The following GABPA variants were observed in gnomAD, a reference collection of about 807,000 sequenced individuals.
The protein encoded by GABPA is GA binding protein transcription factor subunit alpha.
Under a neutral mutation model 59.4 loss-of-function variants are expected in GABPA, and 4 were observed. That is an observed-to-expected ratio of 0.07 (90% CI 0.03 to 0.15). The LOEUF (loss-of-function observed/expected upper bound fraction) is 0.15, where lower values mean the gene tolerates loss of function less well. Ranked by LOEUF, GABPA falls within the 10% of genes least tolerant of loss-of-function variation. The pLI is 1.00. For missense variants in GABPA, 251 were observed against 543.8 expected (o/e 0.46, Z 5.36); for synonymous variants, 164 against 183.1 (o/e 0.90, Z 0.84).
rs71649642 is a variant in GABPA at position 25,735,206 on chromosome 21, C to G, written c.-399C>G. On this transcript the variant is annotated 5_prime_UTR_variant, in exon 1 of 10. Transcript: ENST00000400075. Reference sequence around the variant, plus strand: ...AGTGGCCTTTCCCCTAGTTCAAGCTCCCCTCCGAGTCAGCGTCCTGTTCGT... The same window carrying G: ...AGTGGCCTTTCCCCTAGTTCAAGCTGCCCTCCGAGTCAGCGTCCTGTTCGT... 4.2e-4 allele frequency: 251 copies of G among 593,458 alleles called. 1 individual carries two copies. Among genetic ancestry groups the G allele is most frequent in the African/African-American group, 4.2e-3 (227 of 53,910 alleles). The allele number at this position is 593,458 out of a possible 1,614,324, so 36.8% of individuals were successfully genotyped here.
At chr21:25,764,989 A>G (rs2035856363) in intron 9 of GABPA, among the ~76,000 whole-genome samples, 1 of 151,404 alleles carries the variant, frequency 6.6e-6, no homozygotes, top group African/African-American at 2.4e-5. Context: ...TTACTCTAAG[A>G]TTGTTTGTTT....
chr21:25,766,544 A>G (rs1297795738), intron 9 of GABPA, among the ~76,000 whole-genome samples: 1 of 151,946 alleles, frequency 6.6e-6, no homozygotes, highest in Admixed American at 6.6e-5. Context: ...ACTTGAATAG[A>G]CACCTCAGGC....
chr21:25,752,261 G>A (rs775352473), intron 5 of GABPA, 27 bp downstream of exon 5: 2 of 1,605,132 alleles, frequency 1.2e-6, no homozygotes, highest in Non-Finnish European at 1.7e-6. Flanking sequence ...TTCTATATTG[G>A]GTAGAATAAT....
intron 4 of GABPA, among the ~76,000 whole-genome samples, chr21:25,750,626 C>T (rs1427723248): frequency 1.3e-5 from 2 of 152,194 alleles, no homozygotes; most frequent in African/African-American, 2.4e-5. Context: ...AGAATAATTT[C>T]ATCTCTGAAC....
At chr21:25,747,896 AG>A (rs1282878913) in intron 3 of GABPA, among the ~76,000 whole-genome samples, 1 of 152,116 alleles carries the variant, frequency 6.6e-6, no homozygotes, top group Non-Finnish European at 1.5e-5. Context: ...TCTGTCTACA[AG>A]GTTACAAGGT....
intron 1 of GABPA, among the ~76,000 whole-genome samples, chr21:25,737,243 A>G (rs541811639): frequency 1.3e-5 from 2 of 152,344 alleles, no homozygotes; most frequent in South Asian, 4.1e-4. Flanking sequence ...TTAGACGGAG[A>G]AACTGCAAGT....
At chr21:25,748,911 A>G (rs753410195) in intron 3 of GABPA, 125 bp from the exon 4 acceptor site, 4 of 662,502 alleles carry the variant, frequency 6.0e-6, no homozygotes, top group Non-Finnish European at 1.1e-5. Flanking sequence ...ATGTGTTCTT[A>G]TAATTTAATT....
chr21:25,739,199 T>G (rs1438902973), intron 1 of GABPA, among the ~76,000 whole-genome samples: 1 of 152,328 alleles, frequency 6.6e-6, no homozygotes, highest in Non-Finnish European at 1.5e-5. Context: ...GCAGTCTAGA[T>G]TTGGGTGCCA....
At chr21:25,761,237 C>T (rs1213889292) in intron 6 of GABPA, among the ~76,000 whole-genome samples, 1 of 152,086 alleles carries the variant, frequency 6.6e-6, no homozygotes, top group Admixed American at 6.6e-5. Context: ...AAACATGTTT[C>T]TTTAATCCTC....
In GABPA at chr21:25,769,380, G is replaced by A; in HGVS notation, c.*148G>A. The A allele has an allele frequency of 1.7e-6, 1 of 584,202 alleles. No individual in the cohort carries two copies. Among genetic ancestry groups the A allele is most frequent in the Admixed American group, 3.0e-5 (1 of 33,010 alleles). 36.2% of individuals were successfully genotyped at this position (584,202 alleles called of 1,614,324 possible). A position where few individuals can be genotyped will look rare whatever the true frequency, so the allele number is the denominator to read the frequency against. ...TTTTTTATAAATATTTCATACTCTT[G>A]TGAATTTGGATCTTTTTACTTTGAG... On this transcript the variant is annotated 3_prime_UTR_variant, in exon 10 of 10. Transcript: ENST00000400075.
Position 25,764,315 on chromosome 21 carries a change from CAGG to C in GABPA, c.911_913del (p.Gly304del), listed in dbSNP as rs753238704. ...AAAGTACAAAGAGCGCCGAGGATTT[CAGG>C]AGAAGATAGAAGCTCACCTGGGAAC... On this transcript the variant is annotated inframe_deletion, in exon 8 of 10. Coordinates refer to ENST00000400075, the MANE Select transcript of GABPA (RefSeq NM_002040.4). 3.7e-6 allele frequency: 6 copies of C among 1,612,296 alleles called. No homozygotes were observed. The East Asian group carries it at 1.3e-4, about 36-fold the overall frequency.
intron 1 of GABPA, among the ~76,000 whole-genome samples, chr21:25,737,660 T>G (rs1011844891): frequency 1.3e-5 from 2 of 152,222 alleles, no homozygotes; most frequent in Non-Finnish European, 2.9e-5. Flanking sequence ...TAGGGCCACT[T>G]CTCAGCCTCT....
chr21:25,770,227 GA>G lies in GABPA; in HGVS notation c.*999del, dbSNP rs2035982338. 6.6e-6 allele frequency: 1 copy of G among 152,176 alleles called. No homozygotes were observed. The highest frequency in any genetic ancestry group is 2.1e-4 in the South Asian group (1 of 4,834). The allele number at this position is 152,176 out of a possible 1,614,324, so 9.4% of individuals were successfully genotyped here. A position where few individuals can be genotyped will look rare whatever the true frequency, so the allele number is the denominator to read the frequency against. ...AATTACTTGCAAATAGTTTTAAAAGGAAAATACGACCTTTGTTATAGGCAGT... is the reference window on the plus strand; with the variant it reads ...AATTACTTGCAAATAGTTTTAAAAGGAAATACGACCTTTGTTATAGGCAGT... On this transcript the variant is annotated 3_prime_UTR_variant, in exon 10 of 10. Transcript: ENST00000400075.
At chr21:25,741,127 G>A (rs1268697955) in intron 1 of GABPA, among the ~76,000 whole-genome samples, 2 of 152,062 alleles carry the variant, frequency 1.3e-5, no homozygotes, top group Non-Finnish European at 1.5e-5. Context: ...TGTCATTTGT[G>A]GATTTTCTTT....
intron 7 of GABPA, among the ~76,000 whole-genome samples, chr21:25,763,953 A>G (rs1327697671): frequency 6.6e-6 from 1 of 152,098 alleles, no homozygotes; most frequent in South Asian, 2.1e-4. Context: ...TCTAATGTGT[A>G]TGCATCACTA....
chr21:25,737,011 A>G (rs187537131), intron 1 of GABPA, among the ~76,000 whole-genome samples: 2 of 152,208 alleles, frequency 1.3e-5, no homozygotes, highest in East Asian at 1.9e-4. Context: ...ATGCTCTCCA[A>G]TGAAGGACAA....
At position 25,769,162 on chromosome 21, in the gene GABPA, A is replaced by G; in HGVS notation, c.1295A>G (p.His432Arg). 1 of 1,611,066 alleles carries G rather than the reference A, an allele frequency of 6.2e-7. No individual in the cohort carries two copies. The highest frequency in any genetic ancestry group is 8.5e-7 in the Non-Finnish European group (1 of 1,177,362). The change falls in exon 10 of 10, where the codon CAT becomes CGT. Residue 432 changes from histidine to arginine, a missense_variant. Coordinates refer to ENST00000400075, the MANE Select transcript of GABPA (RefSeq NM_002040.4). ...AAGAAACTTGCAAAGATGCAGCTCC[A>G]TGGAATTGCCCAGCCAGTCACAGCA... is the stretch of plus-strand genomic sequence containing the variant. Reference protein sequence around the residue: ...EQKKLAKMQLHGIAQPVTAVA... With the variant: ...EQKKLAKMQLRGIAQPVTAVA...
intron 7 of GABPA, chr21:25,763,141 C>G: frequency 2.0e-6 from 1 of 495,400 alleles, no homozygotes; most frequent in South Asian, 1.7e-5. Context: ...CATCTTTTAC[C>G]TCATGTTGCA....
chr21:25,754,002 C>T (rs77239222), intron 5 of GABPA, among the ~76,000 whole-genome samples: 1 of 152,166 alleles, frequency 6.6e-6, no homozygotes, highest in Non-Finnish European at 1.5e-5. Flanking sequence ...GCTATGGAAC[C>T]AGACAGCTAA....
Sources: allele counts gnomAD v4.1 joint callset (sites outside exome capture counted in the v4.1 genomes callset), GRCh38; gene constraint gnomAD v4.1.1; transcripts MANE v1.5; gene names NCBI Gene and HGNC (gene_info 2026-07-23, HGNC 2026-07-21).